Variants in EMC3 observed in about 807,000 individuals in gnomAD.
EMC3 encodes the protein ER membrane protein complex subunit 3.
In EMC3, 13 loss-of-function variants were observed where a neutral mutation model predicts 36.6. The observed-to-expected ratio is 0.35, with a 90% CI of 0.23 to 0.56. The LOEUF (loss-of-function observed/expected upper bound fraction) is 0.56, where lower values mean the gene tolerates loss of function less well. EMC3 is among the 20% of genes least tolerant of loss of function. The pLI is 0.84. For synonymous variants in EMC3, 120 were observed against 111.9 expected, an observed-to-expected ratio of 1.07 and a Z score of -0.46; for missense variants, 220 against 324.5, an observed-to-expected ratio of 0.68 and a Z score of 2.47.
chr3:9,990,325 C>CTCTT (rs756491768), upstream of EMC3, among the ~76,000 whole-genome samples: 7 of 88,706 alleles, frequency 7.9e-5, no homozygotes, highest in African/African-American at 4.1e-4. Context: ...GGGCCTTTCT[C>CTCTT]TTTTTTTTTT....
chr3:9,994,062 T>C, intron 1 of EMC3: 1 of 1,209,330 alleles, frequency 8.3e-7, no homozygotes. Context: ...AAGATTAAGA[T>C]TTCTTAAGTT....
At chr3:9,977,940 A>G (rs2085866671) in intron 1 of EMC3, among the ~76,000 whole-genome samples, 1 of 152,074 alleles carries the variant, frequency 6.6e-6, no homozygotes, top group African/African-American at 2.4e-5. Context: ...GAAAGCTCTC[A>G]GTAAACATTT....
chr3:9,986,597 A>C lies in EMC3; in HGVS notation c.65T>G (p.Ile22Ser). 6.2e-7 allele frequency: 1 copy of C among 1,614,234 alleles called. No homozygotes were observed. The highest frequency in any genetic ancestry group is 8.5e-7 in the Non-Finnish European group (1 of 1,180,044). The change falls in exon 1 of 8, where the codon ATC becomes AGC. Residue 22 changes from isoleucine (I) to serine (S), a missense_variant. Ile to Ser is a moderately radical substitution (Grantham distance 142, BLOSUM62 -2). Transcript: ENST00000245046. ...GATCATGCCTACGAAGAAAGTGATG[A>C]TAACGATGGGTAGGACCACCCAGAG... Reference protein sequence around the residue: ...IRLWVVLPIVIITFFVGMIRH... With the variant: ...IRLWVVLPIVSITFFVGMIRH...
At chr3:10,010,610 C>T (rs751885954) in intron 1 of EMC3, among the ~76,000 whole-genome samples, 2 of 152,222 alleles carry the variant, frequency 1.3e-5, no homozygotes, top group South Asian at 2.1e-4. Flanking sequence ...CTCCCCCACT[C>T]AGTGGCCAGC....
At chr3:10,003,433 T>C (rs2086228253) in intron 1 of EMC3, 6 of 359,918 alleles carry the variant, frequency 1.7e-5, no homozygotes, top group South Asian at 1.2e-4. Context: ...GGGGTCAATA[T>C]TGTTACCATA....
chr3:9,988,075 C>T, upstream of EMC3: 1 of 599,568 alleles, frequency 1.7e-6, no homozygotes, highest in Admixed American at 2.6e-5. Flanking sequence ...TGACATCCCA[C>T]AGTCAGAGTT....
At chr3:10,010,743 C>G (rs941958009) in intron 1 of EMC3, 1 of 152,486 alleles carries the variant, frequency 6.6e-6, no homozygotes, top group African/African-American at 2.4e-5. Context: ...GAGGAAGGAG[C>G]CTTAGGGGGA....
chr3:10,007,573 C>T (rs2086278124), intron 1 of EMC3: 1 of 1,367,372 alleles, frequency 7.3e-7, no homozygotes. Flanking sequence ...CTGGGTGAGG[C>T]AGGCATCCTG....
intron 5 of EMC3, 52 bp downstream of exon 5, chr3:9,973,576 T>C (rs771228173): frequency 1.3e-6 from 2 of 1,530,438 alleles, no homozygotes; most frequent in South Asian, 2.2e-5. Context: ...CCTCCCGCCT[T>C]GGCTTCCCAA....
At chr3:9,994,088 G>T in intron 1 of EMC3, 4 of 1,115,160 alleles carry the variant, frequency 3.6e-6, no homozygotes, top group South Asian at 2.5e-5. Context: ...GAGAGTTGGG[G>T]AAGAGAAGTC....
At chr3:9,979,551 T>C (rs915707530) in intron 1 of EMC3, among the ~76,000 whole-genome samples, 3 of 152,214 alleles carry the variant, frequency 2.0e-5, no homozygotes, top group African/African-American at 7.2e-5. Context: ...GATTTATTCT[T>C]TCATTGAACA....
intron 1 of EMC3, among the ~76,000 whole-genome samples, chr3:9,980,172 C>CT (rs2085894548): frequency 2.0e-5 from 3 of 152,052 alleles, no homozygotes; most frequent in South Asian, 4.2e-4. Flanking sequence ...CACCACCATG[C>CT]CCAGCTAATT....
chr3:9,969,764 C>G lies in EMC3; in HGVS notation c.612G>C (p.Thr204=). Residue 204 remains threonine (T), a synonymous_variant, in exon 7 of 8, where the codon ACG becomes ACC. Transcript: ENST00000245046. Reference sequence around the variant, plus strand: ...CTGCGGGCATGGCCATGGCTGCTCCCGTCATCTGCTCCTGCATCATTCGTG... The same window carrying G: ...CTGCGGGCATGGCCATGGCTGCTCCGGTCATCTGCTCCTGCATCATTCGTG... ...DQSRMMQEQM[T]GAAMAMPADT... The G allele has an allele frequency of 6.2e-7, 1 of 1,613,868 alleles. No individual in the cohort carries two copies. The highest frequency in any genetic ancestry group is 8.5e-7 in the Non-Finnish European group (1 of 1,180,016).
intron 1 of EMC3, among the ~76,000 whole-genome samples, chr3:10,000,177 T>C (rs1471214720): frequency 1.3e-5 from 2 of 152,110 alleles, no homozygotes; most frequent in African/African-American, 4.8e-5. Context: ...TAGCTGGGAT[T>C]ACAGGTGCCC....
chr3:9,977,405 T>C lies in EMC3; in HGVS notation c.197A>G (p.Lys66Arg), dbSNP rs745562471. The change falls in exon 2 of 8, where the codon AAA (lysine) becomes AGA (arginine). Residue 66 changes from lysine (K) to arginine (R), a missense_variant. Coordinates refer to ENST00000245046, the MANE Select transcript of EMC3 (RefSeq NM_001394674.1). ...IRSRVLRENG[K>R]YIPKQSFLTR... is the part of the protein sequence containing the mutation. ...AATGAGTACCTGTTTGGGAATGTAT[T>C]TTCCATTTTCCCTGAGGACTCTGCT... 2 of 1,612,972 alleles carry C rather than the reference T, an allele frequency of 1.2e-6. No homozygotes were observed. The highest frequency in any genetic ancestry group is 1.7e-6 in the Non-Finnish European group (2 of 1,179,684).
chr3:9,965,013 G>A (rs1327306351), intron 7 of EMC3, among the ~76,000 whole-genome samples: 1 of 151,768 alleles, frequency 6.6e-6, no homozygotes, highest in East Asian at 1.9e-4. Context: ...TGAGGCTAAG[G>A]ATAGCTTGAG....
chr3:9,963,925 C>A lies in EMC3; in HGVS notation c.*144G>T. On this transcript the variant is annotated 3_prime_UTR_variant, in exon 8 of 8. Coordinates refer to ENST00000245046, the MANE Select transcript of EMC3 (RefSeq NM_001394674.1). ...CTCTAGTTTCAAACATAAAGGGGAACCCAGCCCAGACAAGAACAAGCCTTG... is the reference window on the plus strand; with the variant it reads ...CTCTAGTTTCAAACATAAAGGGGAAACCAGCCCAGACAAGAACAAGCCTTG... 1 of 1,395,014 alleles carries A rather than the reference C, an allele frequency of 7.2e-7. No individual in the cohort carries two copies. The highest frequency in any genetic ancestry group is 9.7e-7 in the Non-Finnish European group (1 of 1,027,430). 86.4% of individuals were successfully genotyped at this position (1,395,014 alleles called of 1,614,324 possible). A position where few individuals can be genotyped will look rare whatever the true frequency, so the allele number is the denominator to read the frequency against.
At chr3:10,009,402 G>T (rs919342577) in intron 1 of EMC3, among the ~76,000 whole-genome samples, 6 of 152,204 alleles carry the variant, frequency 3.9e-5, no homozygotes, top group Non-Finnish European at 8.8e-5. Context: ...GTTTTGTGAA[G>T]GGGTATGAGG....
chr3:9,968,191 A>G (rs945525199), intron 7 of EMC3, among the ~76,000 whole-genome samples: 6 of 152,206 alleles, frequency 3.9e-5, no homozygotes, highest in African/African-American at 1.4e-4. Flanking sequence ...AAGTGCTAGG[A>G]TTACAGGCGT....
Sources: gnomAD v4.1 joint callset for allele counts (sites outside exome capture counted in the v4.1 genomes callset) on GRCh38, gnomAD v4.1.1 for gene constraint, MANE v1.5 for transcripts, NCBI Gene and HGNC (gene_info 2026-07-23, HGNC 2026-07-21) for gene names.